DLGAP2: variants seen among roughly 807,000 people sequenced by gnomAD.
DLGAP2 encodes disks large-associated protein 2.
Under a neutral mutation model 100.3 loss-of-function variants are expected in DLGAP2, and 26 were observed. The observed-to-expected ratio is 0.26, with a 90% CI of 0.19 to 0.36. The LOEUF (loss-of-function observed/expected upper bound fraction) is 0.36, where lower values mean the gene tolerates loss of function less well. Ranked by LOEUF, DLGAP2 falls within the 10% of genes least tolerant of loss-of-function variation. The pLI is 1.00. For synonymous variants in DLGAP2, 886 were observed against 630.1 expected, an observed-to-expected ratio of 1.41 and a Z score of -6.08; for missense variants, 1,858 against 1,453.2, an observed-to-expected ratio of 1.28 and a Z score of -4.53.
chr8:1,638,370 C>T (rs1007029873), intron 8 of DLGAP2, among the ~76,000 whole-genome samples: 7 of 151,972 alleles, frequency 4.6e-5, no homozygotes, highest in Admixed American at 4.6e-4. Context: ...TTGTGAGGAC[C>T]CGGGGAGAAG....
chr8:1,327,705 G>A (rs189701064), intron 3 of DLGAP2, among the ~76,000 whole-genome samples: 4 of 151,980 alleles, frequency 2.6e-5, no homozygotes, highest in South Asian at 2.1e-4. Flanking sequence ...CTATCCGGGC[G>A]TCGTGGCGGG....
At chr8:1,583,218 G>C (rs1796001360) in intron 6 of DLGAP2, among the ~76,000 whole-genome samples, 1 of 152,216 alleles carries the variant, frequency 6.6e-6, no homozygotes, top group African/African-American at 2.4e-5. Flanking sequence ...TAAGTCATGA[G>C]ATGGCTCCAA....
Position 998,793 on chromosome 8 carries a change from A to G in DLGAP2, c.73+90827A>G, listed in dbSNP as rs760494518. On this transcript the variant is annotated intron_variant, in intron 2 of 14. Transcript: ENST00000637795. ...TACCCTTTCTTTCCTTGGAGCTTGA[A>G]TATACTGTTTCACTGTCCTCATAAC... Among the ~76,000 whole-genome samples, 17 of 152,270 alleles carry G rather than the reference A, an allele frequency of 1.1e-4. No homozygotes were observed. In the South Asian group the frequency reaches 1.5e-3, roughly 13 times the overall value.
At chr8:1,055,489 A>G (rs1802853338) in intron 2 of DLGAP2, among the ~76,000 whole-genome samples, 2 of 152,108 alleles carry the variant, frequency 1.3e-5, no homozygotes, top group Non-Finnish European at 2.9e-5. Flanking sequence ...GAGATAAAAT[A>G]TTTTTCTACT....
chr8:769,961 C>T (rs751778291), intron 1 of DLGAP2, among the ~76,000 whole-genome samples: 7 of 135,102 alleles, frequency 5.2e-5, no homozygotes, highest in Non-Finnish European at 8.3e-5. Context: ...ACTTGTGCAG[C>T]TCTACACAGG....
At chr8:747,389 C>G (rs926765514) in intron 1 of DLGAP2, among the ~76,000 whole-genome samples, 2 of 151,984 alleles carry the variant, frequency 1.3e-5, no homozygotes, top group African/African-American at 2.4e-5. Context: ...CGATGGGCTT[C>G]TCCGCCGGGC....
At chr8:1,533,532 TA>T (rs1268107146) in intron 4 of DLGAP2, among the ~76,000 whole-genome samples, 2 of 151,960 alleles carry the variant, frequency 1.3e-5, no homozygotes, top group Admixed American at 6.6e-5. Flanking sequence ...GTGTTTTTCC[TA>T]AAAATGCTGT....
At chr8:1,314,658 GGTCT>G (rs1800687583) in intron 3 of DLGAP2, among the ~76,000 whole-genome samples, 1 of 152,172 alleles carries the variant, frequency 6.6e-6, no homozygotes, top group Non-Finnish European at 1.5e-5. Context: ...GTGTAAGGAG[GGTCT>G]GTCCGCCTGG....
intron 2 of DLGAP2, among the ~76,000 whole-genome samples, chr8:1,091,069 G>A (rs571636279): frequency 3.3e-5 from 5 of 152,234 alleles, no homozygotes; most frequent in South Asian, 4.1e-4. Context: ...GTCTTGCCCC[G>A]TCTGCGCACA....
chr8:758,994 C>T (rs1347459515), intron 1 of DLGAP2, among the ~76,000 whole-genome samples: 3 of 150,994 alleles, frequency 2.0e-5, no homozygotes, highest in Admixed American at 2.0e-4. Flanking sequence ...ATTATCAATA[C>T]CCCCAACAGC....
intron 4 of DLGAP2, among the ~76,000 whole-genome samples, chr8:1,537,716 TGGATGAAA>T (rs1234077932): frequency 3.3e-4 from 46 of 141,078 alleles, no homozygotes; most frequent in Middle Eastern, 3.5e-3. Context: ...GATGGATGGA[TGGATGAAA>T]GGATGGAAGG....
intron 3 of DLGAP2, among the ~76,000 whole-genome samples, chr8:1,416,353 G>A (rs1269774741): frequency 6.6e-6 from 1 of 152,172 alleles, no homozygotes; most frequent in Admixed American, 6.5e-5. Flanking sequence ...TATTTCAGAC[G>A]TGCCTGGTCA....
At chr8:1,044,475 C>G (rs906564275) in intron 2 of DLGAP2, among the ~76,000 whole-genome samples, 28 of 152,202 alleles carry the variant, frequency 1.8e-4, no homozygotes, top group African/African-American at 6.5e-4. Context: ...GACCACCTGG[C>G]TTAAACGCAG....
chr8:1,100,452 C>G (rs1804540776), intron 2 of DLGAP2, among the ~76,000 whole-genome samples: 1 of 152,092 alleles, frequency 6.6e-6, no homozygotes, highest in Non-Finnish European at 1.5e-5. Context: ...AAACCTTTGT[C>G]CAGCATGTCC....
intron 2 of DLGAP2, among the ~76,000 whole-genome samples, chr8:932,034 A>G (rs371271555): frequency 1.2e-4 from 18 of 152,212 alleles, no homozygotes; most frequent in African/African-American, 3.4e-4. Flanking sequence ...ATCAGTGGAA[A>G]TATTCCCTTC....
intron 2 of DLGAP2, among the ~76,000 whole-genome samples, chr8:927,512 C>T (rs1798842734): frequency 1.3e-5 from 2 of 152,164 alleles, no homozygotes; most frequent in Non-Finnish European, 2.9e-5. Context: ...AGTTCAAAGT[C>T]CTCCGCGTGT....
At chr8:1,019,401 G>A (rs1391272480) in intron 2 of DLGAP2, 1 of 151,992 alleles carries the variant, frequency 6.6e-6, no homozygotes, top group Non-Finnish European at 1.5e-5. Flanking sequence ...CACAAAGCAA[G>A]ATTTTCACCG....
chr8:788,086 T>C lies in DLGAP2; in HGVS notation c.18+50261T>C, dbSNP rs571180305. Reference sequence around the variant, plus strand: ...CACTGGATCCCTCCCATGGCAGCTATGTTGGGTCTCCCCCCACCAGGAGAT... The same window carrying C: ...CACTGGATCCCTCCCATGGCAGCTACGTTGGGTCTCCCCCCACCAGGAGAT... On this transcript the variant is annotated intron_variant, in intron 1 of 14. Coordinates refer to ENST00000637795, the MANE Select transcript of DLGAP2 (RefSeq NM_001346810.2). 1.1e-3 allele frequency among the ~76,000 whole-genome samples: 162 copies of C among 152,298 alleles called. 1 individual carries two copies. The highest frequency in any genetic ancestry group is 3.9e-3 in the African/African-American group (161 of 41,554).
At chr8:1,321,747 G>T (rs924140847) in intron 3 of DLGAP2, among the ~76,000 whole-genome samples, 1 of 152,158 alleles carries the variant, frequency 6.6e-6, no homozygotes, top group African/African-American at 2.4e-5. Context: ...AAAATTTAGT[G>T]ATTCTCTGAC....
Sources: allele counts gnomAD v4.1 joint callset (sites outside exome capture counted in the v4.1 genomes callset), GRCh38; gene constraint gnomAD v4.1.1; transcripts MANE v1.5; gene names NCBI Gene and HGNC (gene_info 2026-07-23, HGNC 2026-07-21).